CNTN5: variants seen among roughly 807,000 people sequenced by gnomAD.
CNTN5 encodes contactin-5.
A neutral mutation model predicts 129.1 loss-of-function variants in CNTN5; 77 were observed. That is an observed-to-expected ratio of 0.60 (90% CI 0.50 to 0.72). The LOEUF (loss-of-function observed/expected upper bound fraction) is 0.72. Ranked by LOEUF, CNTN5 falls within the 30% of genes least tolerant of loss-of-function variation. The pLI, the probability that CNTN5 is intolerant of heterozygous loss-of-function variation, is 0.00. For missense variants in CNTN5, 1,478 were observed against 1,328.8 expected (o/e 1.11, Z -1.75); for synonymous variants, 509 against 465.6 (o/e 1.09, Z -1.20).
At position 99,233,042 on chromosome 11, in the gene CNTN5, G is replaced by C. The variant is rs528777032; in HGVS notation, c.-209-92304G>C. ...CCGAGGAGAGGTTAGTAGAAAAATA[G>C]TTCCTGAAGAATCATCTTCAAGTCA... On this transcript the variant is annotated intron_variant, in intron 1 of 24. Coordinates refer to ENST00000524871, the MANE Select transcript of CNTN5 (RefSeq NM_014361.4). Among the ~76,000 whole-genome samples the C allele has an allele frequency of 2.0e-5, 3 of 152,338 alleles. No individual in the cohort carries two copies. The South Asian group carries it at 6.2e-4, about 32-fold the overall frequency.
At chr11:99,882,381 T>G (rs1591360135) in intron 6 of CNTN5, among the ~76,000 whole-genome samples, 1 of 152,154 alleles carries the variant, frequency 6.6e-6, no homozygotes, top group East Asian at 1.9e-4. Flanking sequence ...AAAGAAAAAT[T>G]TTTGCTAAAA....
chr11:99,442,458 C>G (rs1157551496), intron 2 of CNTN5, among the ~76,000 whole-genome samples: 1 of 152,180 alleles, frequency 6.6e-6, no homozygotes, highest in African/African-American at 2.4e-5. Context: ...GTGTGAGGCA[C>G]TGCACCTGGC....
chr11:100,319,329 T>A (rs1334639551), intron 21 of CNTN5, among the ~76,000 whole-genome samples: 2 of 152,006 alleles, frequency 1.3e-5, no homozygotes, highest in Non-Finnish European at 2.9e-5. Context: ...ATTTTTGTAT[T>A]TTTAGTAGGG....
chr11:100,038,574 A>C (rs1942178287), intron 9 of CNTN5, among the ~76,000 whole-genome samples: 1 of 152,036 alleles, frequency 6.6e-6, no homozygotes, highest in African/African-American at 2.4e-5. Context: ...GAGGTGTTAA[A>C]ATCTCCCATT....
chr11:99,386,272 G>A (rs1162775371), intron 2 of CNTN5, among the ~76,000 whole-genome samples: 1 of 152,216 alleles, frequency 6.6e-6, no homozygotes, highest in Non-Finnish European at 1.5e-5. Context: ...AATTCAGGAT[G>A]AGTCCACAGT....
chr11:100,287,036 C>T (rs867282504), intron 18 of CNTN5, among the ~76,000 whole-genome samples: 70 of 151,674 alleles, frequency 4.6e-4, no homozygotes, highest in East Asian at 1.4e-3. Context: ...TGAAATGAAG[C>T]GAGAAGGGAA....
At chr11:99,075,219 T>A (rs1383763868) in intron 1 of CNTN5, among the ~76,000 whole-genome samples, 3 of 152,200 alleles carry the variant, frequency 2.0e-5, no homozygotes, top group African/African-American at 7.2e-5. Flanking sequence ...AATAAATTTA[T>A]TTTATATTAG....
chr11:99,450,078 G>A (rs1455676131), intron 2 of CNTN5, among the ~76,000 whole-genome samples: 2 of 151,962 alleles, frequency 1.3e-5, no homozygotes, highest in Non-Finnish European at 1.5e-5. Context: ...TTTAATATTA[G>A]GCCAGTTACA....
intron 6 of CNTN5, among the ~76,000 whole-genome samples, chr11:99,860,174 C>T (rs1948161472): frequency 1.3e-5 from 2 of 152,158 alleles, no homozygotes; most frequent in East Asian, 3.9e-4. Context: ...ATGTATTTCA[C>T]TCATTTTTAA....
rs989954845 is a variant in CNTN5, at chr11:99,198,842, A to G, written c.-209-126504A>G. On this transcript the variant is annotated intron_variant, in intron 1 of 24. Transcript: ENST00000524871. ...TTTGAGACTGTCACTAACAGATTTG[A>G]TCCCAACATGATAGAAACTTTAAGA... 3.3e-5 allele frequency among the ~76,000 whole-genome samples: 5 copies of G among 152,224 alleles called. 1 individual carries two copies. The highest frequency in any genetic ancestry group is 3.3e-4 in the Admixed American group (5 of 15,290).
At chr11:99,964,838 G>C (rs545441125) in intron 8 of CNTN5, among the ~76,000 whole-genome samples, 4 of 151,990 alleles carry the variant, frequency 2.6e-5, no homozygotes, top group Non-Finnish European at 4.4e-5. Flanking sequence ...CAATTTCAGA[G>C]CCTGTTATTG....
At chr11:99,130,446 A>G (rs546098229) in intron 1 of CNTN5, among the ~76,000 whole-genome samples, 11 of 152,322 alleles carry the variant, frequency 7.2e-5, no homozygotes, top group African/African-American at 2.6e-4. Context: ...CCAATACAGG[A>G]GCACTCAGAT....
Position 100,212,002 on chromosome 11 carries a change from C to G in CNTN5, c.1885-12690C>G, listed in dbSNP as rs187649484. Among the ~76,000 whole-genome samples, 5 of 152,166 alleles carry G rather than the reference C, an allele frequency of 3.3e-5. No homozygotes were observed. In the East Asian group the frequency reaches 9.7e-4, roughly 29 times the overall value. On this transcript the variant is annotated intron_variant, in intron 15 of 24. Transcript: ENST00000524871. ...AATGCTTTAAAAGGATGACTTTCCCCCTACTTTTATCTCCCCATAATGGCA... is the reference window on the plus strand; with the variant it reads ...AATGCTTTAAAAGGATGACTTTCCCGCTACTTTTATCTCCCCATAATGGCA...
intron 1 of CNTN5, among the ~76,000 whole-genome samples, chr11:99,191,827 GAA>G (rs1169435140): frequency 2.0e-5 from 3 of 151,718 alleles, no homozygotes; most frequent in Non-Finnish European, 3.0e-5. Context: ...CTTTAAGAGA[GAA>G]GTTTATAGCA....
chr11:99,805,273 C>T (rs1443873048), intron 3 of CNTN5, among the ~76,000 whole-genome samples: 3 of 152,056 alleles, frequency 2.0e-5, no homozygotes, highest in South Asian at 2.1e-4. Context: ...GAAGATAGAA[C>T]TTGGAACTTC....
At chr11:99,142,080 G>C (rs7928118) in intron 1 of CNTN5, among the ~76,000 whole-genome samples, 49,016 of 151,972 alleles carry the variant, frequency 0.32, 8,175 homozygotes, top group East Asian at 0.46. Context: ...TTCAAGGGGT[G>C]AAGGCTCAGT....
chr11:100,134,878 C>T (rs1474481141), intron 13 of CNTN5, among the ~76,000 whole-genome samples: 1 of 152,154 alleles, frequency 6.6e-6, no homozygotes, highest in Non-Finnish European at 1.5e-5. Context: ...TGCACTACTC[C>T]AAACATGAGG....
At chr11:99,286,003 A>G (rs1234399474) in intron 1 of CNTN5, among the ~76,000 whole-genome samples, 2 of 137,506 alleles carry the variant, frequency 1.5e-5, no homozygotes, top group Non-Finnish European at 3.0e-5. Context: ...GCGCCACTGC[A>G]CTCCAGCCTG....
chr11:99,939,244 C>T (rs955182934), intron 7 of CNTN5, among the ~76,000 whole-genome samples: 1 of 152,078 alleles, frequency 6.6e-6, no homozygotes, highest in East Asian at 1.9e-4. Context: ...GTGCAAATTG[C>T]TTCTTCCTCC....
Sources: gnomAD v4.1 joint callset for allele counts (sites outside exome capture counted in the v4.1 genomes callset) on GRCh38, gnomAD v4.1.1 for gene constraint, MANE v1.5 for transcripts, NCBI Gene and HGNC (gene_info 2026-07-23, HGNC 2026-07-21) for gene names.